Variants in PGAP1 observed in about 807,000 individuals in gnomAD.
The protein encoded by PGAP1 is GPI inositol-deacylase.
In PGAP1, 76 loss-of-function variants were observed where a neutral mutation model predicts 127.0. The ratio of observed to expected loss-of-function variants is 0.60; its 90% CI spans 0.50 to 0.72. PGAP1 has a LOEUF of 0.72. PGAP1 is among the 30% of genes least tolerant of loss of function. PGAP1 has a pLI of 0.00. For synonymous variants in PGAP1, 362 were observed against 366.5 expected (o/e 0.99, Z 0.14); for missense variants, 982 against 1,071.3 (o/e 0.92, Z 1.16).
At chr2:196,871,355 C>T (rs939765342) in intron 18 of PGAP1, among the ~76,000 whole-genome samples, 1 of 151,962 alleles carries the variant, frequency 6.6e-6, no homozygotes, top group Non-Finnish European at 1.5e-5. Context: ...ACCATAAATA[C>T]AACTTTTTGA....
At chr2:196,896,379 G>A (rs975360488) in intron 7 of PGAP1, among the ~76,000 whole-genome samples, 1 of 152,156 alleles carries the variant, frequency 6.6e-6, no homozygotes, top group Non-Finnish European at 1.5e-5. Context: ...AAACTCAGGA[G>A]GCTGAGGTGG....
intron 4 of PGAP1, among the ~76,000 whole-genome samples, chr2:196,911,677 A>T (rs903814616): frequency 6.6e-6 from 1 of 150,602 alleles, no homozygotes; most frequent in South Asian, 2.1e-4. Context: ...AGCTATATAC[A>T]TTTACTAACC....
chr2:196,900,648 G>C (rs889941043), intron 5 of PGAP1, among the ~76,000 whole-genome samples: 1 of 152,140 alleles, frequency 6.6e-6, no homozygotes. Context: ...ATTATCAGCT[G>C]GGTGTGGTGG....
chr2:196,921,017 G>A (rs1013472214), intron 1 of PGAP1, among the ~76,000 whole-genome samples: 1 of 151,648 alleles, frequency 6.6e-6, no homozygotes, highest in African/African-American at 2.4e-5. Context: ...TTTTAAAGGA[G>A]AGAAACCATT....
intron 1 of PGAP1, chr2:196,922,095 T>C (rs1703214458): frequency 8.2e-7 from 1 of 1,221,872 alleles, no homozygotes; most frequent in Non-Finnish European, 1.1e-6. Flanking sequence ...CATATTAAGA[T>C]CAATTACCTT....
At chr2:196,864,256 T>C (rs1487057716) in intron 20 of PGAP1, among the ~76,000 whole-genome samples, 2 of 151,448 alleles carry the variant, frequency 1.3e-5, no homozygotes, top group Non-Finnish European at 2.9e-5. Context: ...CGGACATGGT[T>C]GCGGGTGCCT....
chr2:196,873,843 T>A (rs1215639713), intron 14 of PGAP1, 85 bp from the exon 15 acceptor site: 1 of 891,078 alleles, frequency 1.1e-6, no homozygotes, highest in Non-Finnish European at 1.8e-6. Flanking sequence ...ATTAAGACAA[T>A]GCCAATAATT....
intron 3 of PGAP1, 25 bp downstream of exon 3, chr2:196,916,393 A>G (rs1703009807): frequency 1.3e-6 from 2 of 1,565,072 alleles, no homozygotes; most frequent in South Asian, 2.4e-5. Flanking sequence ...TTGCACCACT[A>G]TTGATTTGCA....
intron 20 of PGAP1, among the ~76,000 whole-genome samples, chr2:196,858,947 C>A (rs1700976772): frequency 6.6e-6 from 1 of 152,040 alleles, no homozygotes; most frequent in Non-Finnish European, 1.5e-5. Context: ...ACTTGAAAAT[C>A]TAGAAGAGAC....
intron 2 of PGAP1, 94 bp from the exon 3 acceptor site, chr2:196,916,687 C>T (rs1703020849): frequency 2.4e-6 from 3 of 1,228,844 alleles, no homozygotes; most frequent in East Asian, 2.8e-5. Context: ...CCTTATCCTG[C>T]ATCACGAATA....
At position 196,836,928 on chromosome 2, in the gene PGAP1, T is replaced by G. The variant is rs571836825; in HGVS notation, c.*4306A>C. 1 of 152,200 alleles carries G rather than the reference T, an allele frequency of 6.6e-6. No homozygotes were observed. Among genetic ancestry groups the G allele is most frequent in the South Asian group, 2.1e-4 (1 of 4,824 alleles). The allele number at this position is 152,200 out of a possible 1,614,324, so 9.4% of individuals were successfully genotyped here. A position where few individuals can be genotyped will look rare whatever the true frequency, so the allele number is the denominator to read the frequency against. On this transcript the variant is annotated 3_prime_UTR_variant, in exon 27 of 27. Transcript: ENST00000354764. ...ATACAAGTTCACAAATCCTACACAA[T>G]GAGAAAACAAAAAGCAATCATGAAA...
chr2:196,911,627 A>T (rs1702821338), intron 4 of PGAP1, among the ~76,000 whole-genome samples: 1 of 149,654 alleles, frequency 6.7e-6, no homozygotes, highest in African/African-American at 2.5e-5. Flanking sequence ...AAAAAAAAAA[A>T]AAAAAAAAAT....
At chr2:196,887,135 C>G (rs1487930289) in intron 10 of PGAP1, among the ~76,000 whole-genome samples, 5 of 152,046 alleles carry the variant, frequency 3.3e-5, no homozygotes, top group African/African-American at 1.2e-4. Flanking sequence ...GCAGTGTGAC[C>G]GCACTGTGGG....
intron 1 of PGAP1, among the ~76,000 whole-genome samples, chr2:196,923,283 C>T (rs148880793): frequency 2.0e-5 from 3 of 152,302 alleles, no homozygotes; most frequent in African/African-American, 7.2e-5. Flanking sequence ...ACCACCTTCA[C>T]ATATACTATT....
At chr2:196,881,908 A>G (rs1405941436) in intron 12 of PGAP1, among the ~76,000 whole-genome samples, 1 of 151,232 alleles carries the variant, frequency 6.6e-6, no homozygotes, top group African/African-American at 2.4e-5. Flanking sequence ...TGGTATCAAC[A>G]TCATGAAATC....
chr2:196,885,432 T>C lies in PGAP1; in HGVS notation c.1264A>G (p.Thr422Ala). The change falls in exon 12 of 27, where the codon ACA becomes GCA. Residue 422 changes from threonine to alanine, a missense_variant. Transcript: ENST00000354764. Reference protein sequence around the residue: ...DLSWKAELLPTIKYLTLRLQD... With the variant: ...DLSWKAELLPAIKYLTLRLQD... ...CTGAAGCCATAATTTACCTTAATTG[T>C]TGGCAGCAGTTCAGCTTTCCATGAT... The C allele has an allele frequency of 7.5e-6, 12 of 1,601,134 alleles. No individual in the cohort carries two copies. The highest frequency in any genetic ancestry group is 1.0e-5 in the Non-Finnish European group (12 of 1,172,800).
chr2:196,842,867 T>C (rs1298655425), intron 25 of PGAP1, 42 bp from the exon 26 acceptor site: 1 of 934,836 alleles, frequency 1.1e-6, no homozygotes, highest in Non-Finnish European at 1.6e-6. Flanking sequence ...AACAATGACC[T>C]GATCATTTTA....
At position 196,836,326 on chromosome 2, in the gene PGAP1, A is replaced by G. The variant is rs1700235434; in HGVS notation, c.*4908T>C. ...GTAGACAATTAAGACAGCTTAGAAT[A>G]TCACCTTTTGAAGGACATGTTATGA... On this transcript the variant is annotated 3_prime_UTR_variant, in exon 27 of 27. Transcript: ENST00000354764. 6.5e-6 allele frequency: 1 copy of G among 152,688 alleles called. No homozygotes were observed. The highest frequency in any genetic ancestry group is 2.1e-4 in the South Asian group (1 of 4,830). The allele number at this position is 152,688 out of a possible 1,614,324, so 9.5% of individuals were successfully genotyped here. A position where few individuals can be genotyped will look rare whatever the true frequency, so the allele number is the denominator to read the frequency against.
intron 20 of PGAP1, among the ~76,000 whole-genome samples, chr2:196,861,756 T>C (rs1298728802): frequency 6.6e-6 from 1 of 152,128 alleles, no homozygotes; most frequent in African/African-American, 2.4e-5. Context: ...TGGACATTTA[T>C]TAGTTCCCCA....
Sources: gnomAD v4.1 joint callset for allele counts (sites outside exome capture counted in the v4.1 genomes callset) on GRCh38, gnomAD v4.1.1 for gene constraint, MANE v1.5 for transcripts, NCBI Gene and HGNC (gene_info 2026-07-23, HGNC 2026-07-21) for gene names.